The following RYR3 variants were observed in gnomAD, a reference collection of about 807,000 sequenced individuals.
The protein encoded by RYR3 is ryanodine receptor 3.
RYR3 carries 207 observed loss-of-function variants against 584.3 expected under a neutral mutation model. That is an observed-to-expected ratio of 0.35 (90% CI 0.32 to 0.40). RYR3 has a LOEUF of 0.40. Among genes scored for constraint, RYR3 ranks in the 10% least tolerant of loss-of-function variants. The probability of loss-of-function intolerance (pLI) is 1.00; values close to 1 mark genes in which losing one functional copy is unlikely to be tolerated. For synonymous variants in RYR3, 2,416 were observed against 2,248.5 expected (o/e 1.07, Z -2.11); for missense variants, 5,616 against 6,089.2 (o/e 0.92, Z 2.59).
At chr15:33,677,385 C>G (rs189818461) in intron 38 of RYR3, among the ~76,000 whole-genome samples, 66 of 152,318 alleles carry the variant, frequency 4.3e-4, no homozygotes, top group African/African-American at 1.5e-3. Context: ...CTTCGCTGTG[C>G]CATCTCTGCC....
At chr15:33,495,203 C>T (rs1213681766) in intron 2 of RYR3, among the ~76,000 whole-genome samples, 1 of 152,182 alleles carries the variant, frequency 6.6e-6, no homozygotes, top group South Asian at 2.1e-4. Context: ...GAGGTACACT[C>T]AATAACGGGG....
intron 14 of RYR3, 58 bp from the exon 15 acceptor site, chr15:33,584,337 T>C: frequency 1.1e-6 from 1 of 888,612 alleles, no homozygotes; most frequent in Non-Finnish European, 1.8e-6. Context: ...CTTTCCAAGT[T>C]CTCACGCCCA....
rs2056845811 is a variant in RYR3 at position 33,553,568 on chromosome 15, G to C, written c.972+3252G>C. Among the ~76,000 whole-genome samples the C allele has an allele frequency of 4.3e-5, 6 of 137,988 alleles. No homozygotes were observed. The Admixed American group carries it at 4.5e-4, about 10-fold the overall frequency. 90.5% of individuals were successfully genotyped at this position (137,988 alleles called of 152,430 possible). A position where few individuals can be genotyped will look rare whatever the true frequency, so the allele number is the denominator to read the frequency against. ...CAAATGGAATCAGACTGAAGACTTT[G>C]AGCAGGCTATACAAATCACATAGAA... On this transcript the variant is annotated intron_variant, in intron 10 of 103. Coordinates refer to ENST00000634891, the MANE Select transcript of RYR3 (RefSeq NM_001036.6).
Position 33,837,020 on chromosome 15 carries a change from C to G in RYR3, c.11650+33C>G, listed in dbSNP as rs779270974. 4 of 1,519,074 alleles carry G rather than the reference C, an allele frequency of 2.6e-6. 1 individual carries two copies. The East Asian group carries it at 6.8e-5, about 26-fold the overall frequency. The allele number at this position is 1,519,074 out of a possible 1,614,324, so 94.1% of individuals were successfully genotyped here. A position where few individuals can be genotyped will look rare whatever the true frequency, so the allele number is the denominator to read the frequency against. ...TGTTTGGTATAACTAGGCCTTCACA[C>G]AACTGTAATTGGTCTGAGCACTAAC... On this transcript the variant is annotated intron_variant, in intron 88 of 103. Coordinates refer to ENST00000634891, the MANE Select transcript of RYR3 (RefSeq NM_001036.6).
chr15:33,784,360 A>G (rs915772433), intron 65 of RYR3, among the ~76,000 whole-genome samples: 6 of 152,240 alleles, frequency 3.9e-5, no homozygotes, highest in African/African-American at 1.4e-4. Context: ...TCTAGAGAAG[A>G]AAGACCTCAA....
intron 38 of RYR3, among the ~76,000 whole-genome samples, chr15:33,672,500 G>A (rs2063907068): frequency 6.6e-6 from 1 of 152,180 alleles, no homozygotes; most frequent in African/African-American, 2.4e-5. Flanking sequence ...TGGTTGAGGT[G>A]ATCAGGCATG....
At chr15:33,524,743 C>A (rs2140996683) in intron 3 of RYR3, among the ~76,000 whole-genome samples, 3 of 152,230 alleles carry the variant, frequency 2.0e-5, no homozygotes, top group East Asian at 3.9e-4. Context: ...AAGTGTCATT[C>A]CTTTCATTAC....
intron 16 of RYR3, among the ~76,000 whole-genome samples, chr15:33,587,262 T>C (rs1020705982): frequency 2.6e-5 from 4 of 152,202 alleles, no homozygotes; most frequent in African/African-American, 9.7e-5. Flanking sequence ...TCCAACATGT[T>C]CCTTCCTGTC....
intron 102 of RYR3, among the ~76,000 whole-genome samples, chr15:33,863,859 ATGG>A (rs1889441388): frequency 6.6e-6 from 1 of 152,220 alleles, no homozygotes; most frequent in South Asian, 2.1e-4. Context: ...TAACAATAAA[ATGG>A]TGGCCAAAAT....
chr15:33,732,989 G>A (rs1182761440), intron 48 of RYR3, among the ~76,000 whole-genome samples: 2 of 152,138 alleles, frequency 1.3e-5, no homozygotes, highest in African/African-American at 4.8e-5. Context: ...AAAACTCATC[G>A]GTCCTCACAT....
At chr15:33,615,494 C>A (rs2060403519) in intron 19 of RYR3, among the ~76,000 whole-genome samples, 1 of 152,118 alleles carries the variant, frequency 6.6e-6, no homozygotes, top group South Asian at 2.1e-4. Flanking sequence ...TATACACAAG[C>A]ATATTTACAA....
intron 60 of RYR3, among the ~76,000 whole-genome samples, chr15:33,767,592 T>G (rs1036267552): frequency 6.6e-6 from 1 of 152,184 alleles, no homozygotes; most frequent in Non-Finnish European, 1.5e-5. Flanking sequence ...CCTTCCCCAT[T>G]TGAGTTGTCC....
At chr15:33,859,820 A>T (rs1567351673) in intron 100 of RYR3, 89 bp downstream of exon 100, 2 of 1,325,140 alleles carry the variant, frequency 1.5e-6, no homozygotes, top group Non-Finnish European at 2.1e-6. Flanking sequence ...GTTTATGAAG[A>T]AGCGTGTGAA....
intron 103 of RYR3, chr15:33,864,791 C>T (rs183085345): frequency 9.0e-5 from 21 of 233,048 alleles, no homozygotes; most frequent in African/African-American, 2.9e-4. Flanking sequence ...ATGCAATAAA[C>T]GTTCCCTCAA....
At chr15:33,793,908 TAC>T (rs56757917) in intron 67 of RYR3, among the ~76,000 whole-genome samples, 5 of 140,750 alleles carry the variant, frequency 3.6e-5, no homozygotes, top group African/African-American at 8.0e-5. Flanking sequence ...CACAACACCT[TAC>T]ACACACACAC....
At chr15:33,842,731 G>C (rs955073894) in intron 91 of RYR3, among the ~76,000 whole-genome samples, 4 of 152,236 alleles carry the variant, frequency 2.6e-5, no homozygotes, top group Non-Finnish European at 5.9e-5. Context: ...AATGAGGACT[G>C]AGGCCACAGA....
chr15:33,603,076 C>G (rs1156927814), intron 17 of RYR3, 47 bp from the exon 18 acceptor site: 1 of 1,601,050 alleles, frequency 6.2e-7, no homozygotes, highest in South Asian at 1.1e-5. Flanking sequence ...CTTGCTTTCT[C>G]AGCTTTTAAG....
In RYR3 at chr15:33,596,500, G is replaced by C. The variant is rs1445705100; in HGVS notation, c.1789-4919G>C. On this transcript the variant is annotated intron_variant, in intron 16 of 103. Transcript: ENST00000634891. ...ACTCAATATTGTTCTTTTTTTGGGG[G>C]GGGGGGATTTCTGACTTCTTTTTAT... Among the ~76,000 whole-genome samples, 7 of 147,354 alleles carry C rather than the reference G, an allele frequency of 4.8e-5. No individual in the cohort carries two copies. The South Asian group carries it at 1.5e-3, about 33-fold the overall frequency.
intron 1 of RYR3, among the ~76,000 whole-genome samples, chr15:33,383,848 A>G (rs1013208952): frequency 1.3e-5 from 2 of 152,196 alleles, no homozygotes; most frequent in Non-Finnish European, 2.9e-5. Flanking sequence ...TTGTAAACCC[A>G]TGGAGTCAAC....
Sources: gnomAD v4.1 joint callset for allele counts (sites outside exome capture counted in the v4.1 genomes callset) on GRCh38, gnomAD v4.1.1 for gene constraint, MANE v1.5 for transcripts, NCBI Gene and HGNC (gene_info 2026-07-23, HGNC 2026-07-21) for gene names.